Variants in ATP2C1 observed in about 807,000 individuals in gnomAD.
The protein encoded by ATP2C1 is ATPase secretory pathway Ca2+ transporting 1.
In ATP2C1, 31 loss-of-function variants were observed where a neutral mutation model predicts 120.5. The ratio of observed to expected loss-of-function variants is 0.26; its 90% confidence interval spans 0.19 to 0.35. The LOEUF is 0.35. Among genes scored for constraint, ATP2C1 ranks in the 10% least tolerant of loss-of-function variants. ATP2C1 has a pLI of 1.00. For synonymous variants in ATP2C1, 351 were observed against 358.7 expected (o/e 0.98, Z 0.24); for missense variants, 731 against 1,107.5 (o/e 0.66, Z 4.83).
intron 3 of ATP2C1, among the ~76,000 whole-genome samples, chr3:130,931,184 T>C (rs2059433185): frequency 6.6e-6 from 1 of 152,142 alleles, no homozygotes; most frequent in African/African-American, 2.4e-5. Context: ...AAACCACTTA[T>C]TTGTAATATG....
intron 20 of ATP2C1, among the ~76,000 whole-genome samples, chr3:130,989,570 A>C (rs1483842954): frequency 6.6e-6 from 1 of 151,698 alleles, no homozygotes; most frequent in African/African-American, 2.4e-5. Flanking sequence ...CATCTCAAAA[A>C]AAAAAAAAAA....
chr3:130,958,810 G>A (rs2108590693), intron 11 of ATP2C1, among the ~76,000 whole-genome samples: 1 of 152,248 alleles, frequency 6.6e-6, no homozygotes, highest in South Asian at 2.1e-4. Flanking sequence ...GTGTCCCTTT[G>A]TGTGTAGTAT....
Position 130,967,319 on chromosome 3 carries a change from A to G in ATP2C1, c.1219-11A>G. ...AGTGATAGGTTCATAGTTTATGTGT[A>G]TTTTTCTTAGGCGGGCTGTGTGTGC... On this transcript the variant is annotated splice_polypyrimidine_tract_variant and intron_variant, in intron 15 of 27. Transcript: ENST00000510168. 6.2e-7 allele frequency: 1 copy of G among 1,613,466 alleles called. No individual in the cohort carries two copies. Among genetic ancestry groups the G allele is most frequent in the Middle Eastern group, 1.7e-4 (1 of 6,060 alleles).
chr3:130,961,311 C>T (rs1209093475), intron 12 of ATP2C1, among the ~76,000 whole-genome samples: 1 of 150,176 alleles, frequency 6.7e-6, no homozygotes, highest in African/African-American at 2.4e-5. Context: ...GTTCTTTCTT[C>T]AAGGTCTTCC....
In ATP2C1 at chr3:130,850,929, G is replaced by T; in HGVS notation, c.108+1G>T. 1.5e-6 allele frequency: 2 copies of T among 1,356,206 alleles called. No homozygotes were observed. Among genetic ancestry groups the T allele is most frequent in the Non-Finnish European group, 9.5e-7 (1 of 1,048,854 alleles). The allele number at this position is 1,356,206 out of a possible 1,614,324, so 84.0% of individuals were successfully genotyped here. On this transcript the variant is annotated splice_donor_variant, in intron 1 of 26. Coordinates refer to the ATP2C1 transcript ENST00000504381. LOFTEE classifies it high-confidence loss of function. Reference sequence around the variant, plus strand: ...GAGAAACCAAAGAGCCGAAGAACAGGTATCATTTTGTTTATATTATCTTTA... The same window carrying T: ...GAGAAACCAAAGAGCCGAAGAACAGTTATCATTTTGTTTATATTATCTTTA...
intron 2 of ATP2C1, among the ~76,000 whole-genome samples, chr3:130,896,020 CCT>C (rs1470714507): frequency 1.3e-5 from 2 of 152,104 alleles, no homozygotes; most frequent in Non-Finnish European, 2.9e-5. Flanking sequence ...GAGCCTTTTT[CCT>C]CTCTTTTAAG....
In ATP2C1 at chr3:130,894,182, C is replaced by G. The variant is rs536541340; in HGVS notation, c.-336C>G. The G allele has an allele frequency of 5.6e-5, 51 of 905,008 alleles. No individual in the cohort carries two copies. Among genetic ancestry groups the G allele is most frequent in the Non-Finnish European group, 6.7e-5 (51 of 757,054 alleles). The allele number at this position is 905,008 out of a possible 1,614,324, so 56.1% of individuals were successfully genotyped here. Reference sequence around the variant, plus strand: ...CCGCCCGCCCTCTCTCCCTCCCTTCCTCCCTCCCGCTCGCTTCTTCTCACG... The same window carrying G: ...CCGCCCGCCCTCTCTCCCTCCCTTCGTCCCTCCCGCTCGCTTCTTCTCACG... On this transcript the variant is annotated 5_prime_UTR_variant, in exon 1 of 28. Transcript: ENST00000510168. This position sits in a 1 kb window ranked among gnomAD's most constrained non-coding sequence, Gnocchi z 4.5.
At chr3:130,919,011 CAAAA>C (rs530101335) in intron 2 of ATP2C1, 3 of 445,706 alleles carry the variant, frequency 6.7e-6, no homozygotes, top group Middle Eastern at 7.0e-4. Context: ...AACAAACAAA[CAAAA>C]AGCAGTAGCG....
At chr3:130,898,729 G>A (rs2069866935) in intron 2 of ATP2C1, among the ~76,000 whole-genome samples, 1 of 152,046 alleles carries the variant, frequency 6.6e-6, no homozygotes, top group African/African-American at 2.4e-5. Context: ...GTCTGTTAAC[G>A]CAAAGCATTA....
intron 2 of ATP2C1, among the ~76,000 whole-genome samples, chr3:130,903,256 A>C (rs2057949417): frequency 6.6e-6 from 1 of 152,102 alleles, no homozygotes; most frequent in Non-Finnish European, 1.5e-5. Context: ...CTTTTGAGGA[A>C]CACCACTTAA....
chr3:130,964,235 A>T (rs539083187), intron 13 of ATP2C1, 140 bp downstream of exon 13: 1 of 1,268,926 alleles, frequency 7.9e-7, no homozygotes. Flanking sequence ...TATGGTTTTA[A>T]CAACCAAAAA....
At chr3:130,924,882 T>C (rs1191242998) in intron 2 of ATP2C1, among the ~76,000 whole-genome samples, 1 of 152,106 alleles carries the variant, frequency 6.6e-6, no homozygotes, top group African/African-American at 2.4e-5. Flanking sequence ...CCCAGTGCGT[T>C]TGGCATTTCT....
At chr3:130,895,733 T>C (rs2069566924) in intron 2 of ATP2C1, among the ~76,000 whole-genome samples, 1 of 152,244 alleles carries the variant, frequency 6.6e-6, no homozygotes, top group Non-Finnish European at 1.5e-5. Flanking sequence ...TTGTTGAGAA[T>C]GTAAGCTTGA....
At chr3:130,920,409 A>T (rs1447839754) in intron 2 of ATP2C1, among the ~76,000 whole-genome samples, 1 of 152,140 alleles carries the variant, frequency 6.6e-6, no homozygotes, top group Non-Finnish European at 1.5e-5. Flanking sequence ...ACATGTAGAT[A>T]TGAAGTTTTC....
chr3:130,970,525 T>C (rs900731365), intron 17 of ATP2C1, among the ~76,000 whole-genome samples: 1 of 152,020 alleles, frequency 6.6e-6, no homozygotes, highest in Admixed American at 6.6e-5. Context: ...CCCAAGTAGC[T>C]GGGACTGTAA....
chr3:130,995,445 G>T (rs1251032545), intron 22 of ATP2C1, among the ~76,000 whole-genome samples: 2 of 151,734 alleles, frequency 1.3e-5, no homozygotes, highest in Non-Finnish European at 2.9e-5. Context: ...ATCATTTTAT[G>T]TATTATGAAT....
At chr3:130,997,531 G>T in intron 24 of ATP2C1, 75 bp from the exon 25 acceptor site, 1 of 1,357,868 alleles carries the variant, frequency 7.4e-7, no homozygotes. Context: ...AATAATTGAG[G>T]TTAGTGAGGT....
At chr3:130,950,438 C>A (rs1411557196) in intron 8 of ATP2C1, among the ~76,000 whole-genome samples, 1 of 152,098 alleles carries the variant, frequency 6.6e-6, no homozygotes, top group Admixed American at 6.6e-5. Flanking sequence ...TGAATAATGA[C>A]TCTAATATCT....
chr3:130,935,976 G>T (rs1352932743), intron 5 of ATP2C1, among the ~76,000 whole-genome samples: 2 of 152,136 alleles, frequency 1.3e-5, no homozygotes, highest in South Asian at 4.1e-4. Flanking sequence ...ACAAACTATG[G>T]GTGTTAGGAC....
Sources: allele counts gnomAD v4.1 joint callset (sites outside exome capture counted in the v4.1 genomes callset), GRCh38; gene constraint gnomAD v4.1.1; non-coding constraint Gnocchi (gnomAD v3.1); transcripts MANE v1.5; gene names NCBI Gene and HGNC (gene_info 2026-07-23, HGNC 2026-07-21).